The following SQOR variants were observed in gnomAD, a reference collection of about 807,000 sequenced individuals.
The protein encoded by SQOR is sulfide:quinone oxidoreductase, mitochondrial.
SQOR carries 39 observed loss-of-function variants against 48.6 expected under a neutral mutation model. The ratio of observed to expected loss-of-function variants is 0.80; its 90% CI spans 0.62 to 1.05. The LOEUF (loss-of-function observed/expected upper bound fraction) is 1.05. Ranked by LOEUF, SQOR falls within the 50% of genes least tolerant of loss-of-function variation. The probability of loss-of-function intolerance (pLI) is 0.00; values close to 1 mark genes in which losing one functional copy is unlikely to be tolerated. For missense variants in SQOR, 561 were observed against 559.9 expected, an observed-to-expected ratio of 1.00 and a Z score of -0.02; for synonymous variants, 220 against 206.2, an observed-to-expected ratio of 1.07 and a Z score of -0.57.
intron 2 of SQOR, among the ~76,000 whole-genome samples, chr15:45,660,319 C>T (rs1889696719): frequency 6.6e-6 from 1 of 152,186 alleles, no homozygotes; most frequent in South Asian, 2.1e-4. Flanking sequence ...TGAGAGGAAA[C>T]TAGGGGGCAG....
At chr15:45,647,197 C>T (rs1473005451) in intron 1 of SQOR, among the ~76,000 whole-genome samples, 5 of 151,636 alleles carry the variant, frequency 3.3e-5, no homozygotes, top group African/African-American at 9.7e-5. Context: ...TGCAGTGAGC[C>T]GAGATCATGC....
intron 1 of SQOR, among the ~76,000 whole-genome samples, chr15:45,643,797 G>A (rs1895147158): frequency 6.6e-6 from 1 of 151,944 alleles, no homozygotes; most frequent in Non-Finnish European, 1.5e-5. Flanking sequence ...AGCACTTCTG[G>A]CTGATGCCCT....
At chr15:45,681,222 G>A (rs964296550) in intron 6 of SQOR, among the ~76,000 whole-genome samples, 9 of 152,192 alleles carry the variant, frequency 5.9e-5, no homozygotes, top group African/African-American at 2.2e-4. Flanking sequence ...CTAGTTGACT[G>A]CAGAAATGCA....
chr15:45,655,970 C>G (rs1163765059), intron 1 of SQOR, among the ~76,000 whole-genome samples: 1 of 151,674 alleles, frequency 6.6e-6, no homozygotes, highest in African/African-American at 2.4e-5. Context: ...CAGGCGTGAG[C>G]CACCGTGCCT....
At chr15:45,671,017 G>A (rs1889931549) in intron 4 of SQOR, among the ~76,000 whole-genome samples, 3 of 152,220 alleles carry the variant, frequency 2.0e-5, no homozygotes, top group Admixed American at 1.3e-4. Context: ...CAAAGCCCCA[G>A]TGTCATGTGA....
intron 7 of SQOR, among the ~76,000 whole-genome samples, chr15:45,683,279 G>C (rs1024430553): frequency 6.6e-6 from 1 of 152,156 alleles, no homozygotes; most frequent in South Asian, 2.1e-4. Context: ...ACACCAGGCA[G>C]GTTGGCTATT....
At chr15:45,689,396 A>T in intron 9 of SQOR, 179 bp downstream of exon 9, 1 of 513,096 alleles carries the variant, frequency 1.9e-6, no homozygotes, top group South Asian at 3.3e-5. Context: ...CATACCAAGT[A>T]CTCTATCATC....
At chr15:45,652,495 G>A (rs539918884) in intron 1 of SQOR, among the ~76,000 whole-genome samples, 21 of 152,034 alleles carry the variant, frequency 1.4e-4, no homozygotes, top group South Asian at 4.2e-4. Context: ...GTACCACGCC[G>A]GCAGGTCCGG....
intron 5 of SQOR, among the ~76,000 whole-genome samples, chr15:45,675,034 G>A (rs1890012215): frequency 6.6e-6 from 1 of 152,188 alleles, no homozygotes; most frequent in Non-Finnish European, 1.5e-5. Flanking sequence ...GGCAGTTCCA[G>A]TAATCATTTC....
At chr15:45,676,761 C>T (rs1450026094) in intron 6 of SQOR, among the ~76,000 whole-genome samples, 1 of 152,180 alleles carries the variant, frequency 6.6e-6, no homozygotes, top group Admixed American at 6.5e-5. Context: ...CAGGGATTGG[C>T]TGGGCATGGT....
chr15:45,676,665 A>G (rs1054703766), intron 6 of SQOR, among the ~76,000 whole-genome samples: 1 of 152,190 alleles, frequency 6.6e-6, no homozygotes, highest in African/African-American at 2.4e-5. Flanking sequence ...CTCGAATGCA[A>G]GATCTGGTGA....
At chr15:45,651,527 C>T (rs967931643) in intron 1 of SQOR, among the ~76,000 whole-genome samples, 3 of 152,246 alleles carry the variant, frequency 2.0e-5, no homozygotes, top group Non-Finnish European at 2.9e-5. Context: ...GTGCTGAGAG[C>T]GAGTGAGGGC....
intron 1 of SQOR, among the ~76,000 whole-genome samples, chr15:45,650,244 G>A (rs939730496): frequency 8.5e-5 from 13 of 152,266 alleles, no homozygotes; most frequent in Middle Eastern, 3.4e-3. Flanking sequence ...GGCTGAAACC[G>A]TCCTCCTACT....
At chr15:45,657,817 T>A (rs1324512431) in intron 1 of SQOR, among the ~76,000 whole-genome samples, 2 of 152,152 alleles carry the variant, frequency 1.3e-5, no homozygotes, top group Non-Finnish European at 2.9e-5. Flanking sequence ...GAAGTGTTAG[T>A]CCCCAGCTGG....
At chr15:45,635,636 C>T (rs2140934748) in intron 1 of SQOR, among the ~76,000 whole-genome samples, 1 of 152,302 alleles carries the variant, frequency 6.6e-6, no homozygotes, top group East Asian at 1.9e-4. Context: ...GAGAAGGGGT[C>T]TTCTGGTGGA....
intron 1 of SQOR, among the ~76,000 whole-genome samples, chr15:45,653,098 C>G (rs550293450): frequency 6.6e-6 from 1 of 152,344 alleles, no homozygotes; most frequent in East Asian, 1.9e-4. Flanking sequence ...GATGCCACTT[C>G]TAACATCAAA....
chr15:45,673,502 A>G (rs1889978211), intron 4 of SQOR, 105 bp from the exon 5 acceptor site: 1 of 1,259,842 alleles, frequency 7.9e-7, no homozygotes, highest in Non-Finnish European at 1.1e-6. Context: ...TTGGAGGGTA[A>G]TGATAGTACT....
chr15:45,649,946 G>A (rs1363640422), intron 1 of SQOR, among the ~76,000 whole-genome samples: 1 of 151,994 alleles, frequency 6.6e-6, no homozygotes, highest in Admixed American at 6.5e-5. Flanking sequence ...GGGTTCAAGT[G>A]GGGGTCCTGC....
chr15:45,682,594 G>C lies in SQOR; in HGVS notation c.981G>C (p.Arg327Ser), dbSNP rs766683149. Residue 327 changes from arginine to serine, a missense_variant, in exon 7 of 10, where the codon AGG (arginine) becomes AGC (serine). Coordinates refer to ENST00000260324, the MANE Select transcript of SQOR (RefSeq NM_021199.4). Reference sequence around the variant, plus strand: ...ATAAAGAAACTCTGCAACACAGGAGGTACCCAAATGTGTTTGGGATTGGGG... The same window carrying C: ...ATAAAGAAACTCTGCAACACAGGAGCTACCCAAATGTGTTTGGGATTGGGG... ...DVDKETLQHR[R>S]YPNVFGIGDC... The C allele has an allele frequency of 5.0e-6, 8 of 1,614,052 alleles. No individual in the cohort carries two copies. Among genetic ancestry groups the C allele is most frequent in the Middle Eastern group, 1.6e-4 (1 of 6,084 alleles).
Sources: gnomAD v4.1 joint callset for allele counts (sites outside exome capture counted in the v4.1 genomes callset) on GRCh38, gnomAD v4.1.1 for gene constraint, MANE v1.5 for transcripts, NCBI Gene and HGNC (gene_info 2026-07-23, HGNC 2026-07-21) for gene names.